The following PWWP3A variants were observed in gnomAD, a reference collection of about 807,000 sequenced individuals.
PWWP3A encodes PWWP domain-containing DNA repair factor 3A.
A neutral mutation model predicts 79.0 loss-of-function variants in PWWP3A; 53 were observed. The observed-to-expected ratio is 0.67, with a 90% CI of 0.54 to 0.84. The LOEUF (loss-of-function observed/expected upper bound fraction) is 0.84, where lower values mean the gene tolerates loss of function less well. PWWP3A is among the 40% of genes least tolerant of loss of function. PWWP3A has a pLI of 0.00. For missense variants in PWWP3A, 973 were observed against 948.0 expected (o/e 1.03, Z -0.35); for synonymous variants, 443 against 394.4 (o/e 1.12, Z -1.46).
rs1349915886 is a variant in PWWP3A, at chr19:1,370,716, G to C, written c.1624G>C (p.Glu542Gln). Residue 542 changes from glutamate (E) to glutamine (Q), a missense_variant, in exon 12 of 14, where the codon GAG becomes CAG. Coordinates refer to ENST00000591337, the MANE Select transcript of PWWP3A (RefSeq NM_001369789.1). The part of the protein sequence containing the change: ...KLPQLSKGSP[E>Q]EPVVGCPLGQ... ...TCCTCAACTGAGCAAGGGGAGCCCC[G>C]AGGAGCCCGTGGTGGGGTGCCCCCT... The C allele has an allele frequency of 1.6e-5, 23 of 1,464,872 alleles. No homozygotes were observed. The highest frequency in any genetic ancestry group is 1.9e-5 in the Non-Finnish European group (21 of 1,106,476). The allele number at this position is 1,464,872 out of a possible 1,614,324, so 90.7% of individuals were successfully genotyped here.
chr19:1,366,180 CGCTGGGGTCACCCCCAGA>C (rs35705930), intron 7 of PWWP3A, 107 bp from the exon 8 acceptor site: 637,617 of 1,058,106 alleles, frequency 0.6, 186,504 homozygotes, highest in Middle Eastern at 0.64. Context: ...CGGGAGACTT[CGCTGGGGTCACCCCCAGA>C]GCTGGGGTCA....
In PWWP3A at chr19:1,360,464, G is replaced by A. The variant is rs2081986053; in HGVS notation, c.543G>A (p.Arg181=). ...AAGTGGACCACAAGAAGGGGCTCAG[G>A]AAAAGTGAAAACCCAAGAGGCCCGT... The part of the protein sequence containing the change: ...ECKVDHKKGL[R]KSENPRGPLV... Residue 181 remains arginine (R), a synonymous_variant, in exon 5 of 14, where the codon AGG becomes AGA. Coordinates refer to ENST00000591337, the MANE Select transcript of PWWP3A (RefSeq NM_001369789.1). The surrounding 1 kb of genome is among the most constrained non-coding windows in gnomAD (Gnocchi z 4.4). 1.2e-6 allele frequency: 2 copies of A among 1,614,068 alleles called. No individual in the cohort carries two copies. The highest frequency in any genetic ancestry group is 1.7e-5 in the Admixed American group (1 of 59,998).
In PWWP3A at chr19:1,366,296, T is replaced by G. The variant is rs2082126860; in HGVS notation, c.1285-9T>G. On this transcript the variant is annotated splice_polypyrimidine_tract_variant and intron_variant, in intron 7 of 13. Coordinates refer to ENST00000591337, the MANE Select transcript of PWWP3A (RefSeq NM_001369789.1). ...TTTTGACGTTTTATTTTCTTGGATT[T>G]GTGAACAGGTCAAAAGCGTCAGGCA... is the stretch of plus-strand genomic sequence containing the variant. 5 of 1,613,728 alleles carry G rather than the reference T, an allele frequency of 3.1e-6. No homozygotes were observed. The highest frequency in any genetic ancestry group is 4.2e-6 in the Non-Finnish European group (5 of 1,179,702).
chr19:1,358,066 A>G (rs2081923125), intron 3 of PWWP3A: 1 of 299,674 alleles, frequency 3.3e-6, no homozygotes, highest in African/African-American at 2.2e-5. Context: ...TGACATTACC[A>G]TCTACTCTGA....
At chr19:1,363,119 G>A (rs373713081) in intron 6 of PWWP3A, among the ~76,000 whole-genome samples, 1 of 152,258 alleles carries the variant, frequency 6.6e-6, no homozygotes, top group Non-Finnish European at 1.5e-5. Context: ...TCCGTAAGGC[G>A]CAGGATGTCC....
chr19:1,358,331 C>A, intron 3 of PWWP3A, 63 bp from the exon 4 acceptor site: 1 of 1,422,926 alleles, frequency 7.0e-7, no homozygotes, highest in Non-Finnish European at 9.8e-7. Flanking sequence ...TAAAGGAAAA[C>A]ATGTTTGAAA....
At position 1,360,555 on chromosome 19, in the gene PWWP3A, A is replaced by C; in HGVS notation, c.634A>C (p.Thr212Pro). Residue 212 changes from threonine to proline, a missense_variant, in exon 5 of 14, where the codon ACT (threonine) becomes CCT (proline). Coordinates refer to ENST00000591337, the MANE Select transcript of PWWP3A (RefSeq NM_001369789.1). The surrounding 1 kb of genome is among the most constrained non-coding windows in gnomAD (Gnocchi z 4.4). Reference sequence around the variant, plus strand: ...GTCCAGAATCCACCACAAAAATTGGACTCTTGCAAGTAAGAGGGGAGGAAA... The same window carrying C: ...GTCCAGAATCCACCACAAAAATTGGCCTCTTGCAAGTAAGAGGGGAGGAAA... ...SGSRIHHKNWTLASKRGGNSA... is the reference protein window; with the variant it reads ...SGSRIHHKNWPLASKRGGNSA... 3 of 1,614,130 alleles carry C rather than the reference A, an allele frequency of 1.9e-6. No individual in the cohort carries two copies. Among genetic ancestry groups the C allele is most frequent in the Non-Finnish European group, 2.5e-6 (3 of 1,180,008 alleles).
intron 12 of PWWP3A, among the ~76,000 whole-genome samples, chr19:1,371,789 C>T (rs1289518669): frequency 2.0e-5 from 3 of 148,822 alleles, no homozygotes; most frequent in Non-Finnish European, 4.4e-5. Flanking sequence ...TTTTTTGGAG[C>T]ATAAAAACCC....
In PWWP3A at chr19:1,371,138, C is replaced by T. The variant is rs1448309935; in HGVS notation, c.1986+60C>T. 9.8e-6 allele frequency: 15 copies of T among 1,534,272 alleles called. No individual in the cohort carries two copies. The South Asian group carries it at 1.4e-4, about 15-fold the overall frequency. On this transcript the variant is annotated intron_variant, in intron 12 of 13. Coordinates refer to ENST00000591337, the MANE Select transcript of PWWP3A (RefSeq NM_001369789.1). Reference sequence around the variant, plus strand: ...AGGGGCCTGCGCTGGGATTTTGCAACTCCGCACGAGGAGGCTGCCACGGTC... The same window carrying T: ...AGGGGCCTGCGCTGGGATTTTGCAATTCCGCACGAGGAGGCTGCCACGGTC...
In PWWP3A at chr19:1,362,331, C is replaced by T. The variant is rs139576952; in HGVS notation, c.1193C>T (p.Pro398Leu). The T allele has an allele frequency of 7.7e-5, 125 of 1,613,920 alleles. No individual in the cohort carries two copies. The African/African-American group carries it at 1.5e-3, about 20-fold the overall frequency. ...LEEDEEDEEP[P>L]RVLLYHEPRS... ...GAAGACGAGGAAGACGAGGAGCCAC[C>T]AAGAGTCCTTTTATACCACGGTAAG... The change falls in exon 6 of 14, where the codon CCA becomes CTA. Residue 398 changes from proline to leucine, a missense_variant. By Grantham distance (98) the Pro-to-Leu change is moderately conservative (BLOSUM62 -3). Coordinates refer to ENST00000591337, the MANE Select transcript of PWWP3A (RefSeq NM_001369789.1).
At chr19:1,373,019 T>C in intron 12 of PWWP3A, 53 bp from the exon 13 acceptor site, 1 of 1,562,578 alleles carries the variant, frequency 6.4e-7, no homozygotes, top group Non-Finnish European at 8.8e-7. Flanking sequence ...CGCAGGCCAC[T>C]TGGGGCCAGT....
At chr19:1,362,921 G>A (rs1490964418) in intron 6 of PWWP3A, among the ~76,000 whole-genome samples, 2 of 152,248 alleles carry the variant, frequency 1.3e-5, no homozygotes, top group Non-Finnish European at 2.9e-5. Context: ...CAGAAAGTCG[G>A]CTTCGCAAAC....
Position 1,368,874 on chromosome 19 carries a change from A to AT in PWWP3A, c.1423-391_1423-390insT, listed in dbSNP as rs1477723350. ...GTCCCCGGTGCCCACCTGCGTTCAG[A>AT]CCAGCCCAAGCCATCGGGTCCCCGG... On this transcript the variant is annotated intron_variant, in intron 9 of 13. Coordinates refer to ENST00000591337, the MANE Select transcript of PWWP3A (RefSeq NM_001369789.1). The surrounding 1 kb of genome is among the most constrained non-coding windows in gnomAD (Gnocchi z 4.7). Among the ~76,000 whole-genome samples the AT allele has an allele frequency of 9.6e-4, 138 of 143,530 alleles. No individual in the cohort carries two copies. The highest frequency in any genetic ancestry group is 7.0e-3 in the Middle Eastern group (2 of 284). 94.2% of individuals were successfully genotyped at this position (143,530 alleles called of 152,430 possible).
intron 13 of PWWP3A, among the ~76,000 whole-genome samples, chr19:1,375,632 ATATT>A (rs1356294342): frequency 3.3e-5 from 1 of 30,350 alleles, no homozygotes; most frequent in Non-Finnish European, 6.2e-5. Context: ...ACAATTTTAT[ATATT>A]ATATAATATA....
chr19:1,355,748 C>T (rs910981078), intron 1 of PWWP3A, among the ~76,000 whole-genome samples: 8 of 152,012 alleles, frequency 5.3e-5, no homozygotes, highest in African/African-American at 1.9e-4. Flanking sequence ...ACCTCCTCTT[C>T]CCTGCTGCGG....
chr19:1,367,145 T>C lies in PWWP3A; in HGVS notation c.1362-15T>C, dbSNP rs762927935. 4 of 1,607,362 alleles carry C rather than the reference T, an allele frequency of 2.5e-6. No homozygotes were observed. The highest frequency in any genetic ancestry group is 3.4e-6 in the Non-Finnish European group (4 of 1,175,762). On this transcript the variant is annotated splice_polypyrimidine_tract_variant and intron_variant, in intron 8 of 13. Transcript: ENST00000591337. ...AAGTTCATTCATGTTAACTTTTCCC[T>C]CTCTCTGCTTCAAGTTTCACAGTGT...
chr19:1,360,316 A>T lies in PWWP3A; in HGVS notation c.395A>T (p.Asp132Val), dbSNP rs1159617866. 2 of 1,613,874 alleles carry T rather than the reference A, an allele frequency of 1.2e-6. No homozygotes were observed. Among genetic ancestry groups the T allele is most frequent in the Non-Finnish European group, 1.7e-6 (2 of 1,179,816 alleles). Residue 132 changes from aspartate to valine, a missense_variant, in exon 5 of 14, where the codon GAT (aspartate) becomes GTT (valine). By Grantham distance (152) the Asp-to-Val change is radical. Coordinates refer to ENST00000591337, the MANE Select transcript of PWWP3A (RefSeq NM_001369789.1). This position sits in a 1 kb window ranked among gnomAD's most constrained non-coding sequence, Gnocchi z 4.4. ...ATGGAGCATGTCTCCTCGCCCTGTG[A>T]TTCGAACTCCTCATCTCTTCCCCGC... ...KPMEHVSSPC[D>V]SNSSSLPRGD...
At position 1,354,998 on chromosome 19, in the gene PWWP3A, CGGCGGCGGCGGT is replaced by C. The variant is rs1321147312; in HGVS notation, c.-201_-190del. On this transcript the variant is annotated 5_prime_UTR_variant, in exon 1 of 14. Coordinates refer to ENST00000591337, the MANE Select transcript of PWWP3A (RefSeq NM_001369789.1). ...GCCCCGCGGGGAGCGGCGGCGGCGGCGGCGGCGGCGGTGGCGGAGGCGGTGAGCGCGGGCGGC... is the reference window on the plus strand; with the variant it reads ...GCCCCGCGGGGAGCGGCGGCGGCGGCGGCGGAGGCGGTGAGCGCGGGCGGC... 4 of 149,520 alleles carry C rather than the reference CGGCGGCGGCGGT, an allele frequency of 2.7e-5. No individual in the cohort carries two copies. Among genetic ancestry groups the C allele is most frequent in the Non-Finnish European group, 5.9e-5 (4 of 67,728 alleles). 9.3% of individuals were successfully genotyped at this position (149,520 alleles called of 1,614,324 possible).
rs1021406511 is a variant in PWWP3A, at chr19:1,368,859, C to G, written c.1423-406C>G. ...AGCCCAAGCCTTCGGGTCCCCGGTGCCCACCTGCGTTCAGACCAGCCCAAG... is the reference window on the plus strand; with the variant it reads ...AGCCCAAGCCTTCGGGTCCCCGGTGGCCACCTGCGTTCAGACCAGCCCAAG... On this transcript the variant is annotated intron_variant, in intron 9 of 13. Coordinates refer to ENST00000591337, the MANE Select transcript of PWWP3A (RefSeq NM_001369789.1). The surrounding 1 kb of genome is among the most constrained non-coding windows in gnomAD (Gnocchi z 4.7). 6.8e-6 allele frequency among the ~76,000 whole-genome samples: 1 copy of G among 146,214 alleles called. No homozygotes were observed. The highest frequency in any genetic ancestry group is 2.6e-5 in the African/African-American group (1 of 38,004).
Sources: allele counts gnomAD v4.1 joint callset (sites outside exome capture counted in the v4.1 genomes callset), GRCh38; gene constraint gnomAD v4.1.1; non-coding constraint Gnocchi (gnomAD v3.1); transcripts MANE v1.5; gene names NCBI Gene and HGNC (gene_info 2026-07-23, HGNC 2026-07-21).